The following CPEB3 variants were observed in gnomAD, a reference collection of about 807,000 sequenced individuals.
The protein encoded by CPEB3 is cytoplasmic polyadenylation element binding protein 3, also known as cytoplasmic polyadenylation element-binding protein 3.
In CPEB3, 20 loss-of-function variants were observed where a neutral mutation model predicts 67.2. The observed-to-expected ratio is 0.30, with a 90% confidence interval of 0.21 to 0.43. The LOEUF is 0.43. CPEB3 is among the 20% of genes least tolerant of loss of function. CPEB3 has a pLI of 1.00. For missense variants in CPEB3, 746 were observed against 968.6 expected (o/e 0.77, Z 3.05); for synonymous variants, 376 against 393.1 (o/e 0.96, Z 0.51).
intron 6 of CPEB3, among the ~76,000 whole-genome samples, chr10:92,129,130 T>C (rs1003830031): frequency 2.6e-5 from 4 of 152,184 alleles, no homozygotes; most frequent in African/African-American, 9.7e-5. Flanking sequence ...GAAAACGTGG[T>C]ACATATATAC....
At chr10:92,193,791 T>C (rs1849097641) in intron 2 of CPEB3, among the ~76,000 whole-genome samples, 1 of 151,886 alleles carries the variant, frequency 6.6e-6, no homozygotes, top group Admixed American at 6.6e-5. Context: ...TCTTTAACAT[T>C]TCTTTTTTTT....
chr10:92,268,042 T>C (rs1478837776), intron 1 of CPEB3, among the ~76,000 whole-genome samples: 1 of 152,150 alleles, frequency 6.6e-6, no homozygotes, highest in Non-Finnish European at 1.5e-5. Context: ...GGTCTCGATC[T>C]CTTGACCTCG....
At chr10:92,067,819 G>GA (rs2134366981) in intron 9 of CPEB3, among the ~76,000 whole-genome samples, 3 of 152,060 alleles carry the variant, frequency 2.0e-5, no homozygotes, top group African/African-American at 7.2e-5. Flanking sequence ...ACTCCATCTC[G>GA]AAAAAATAAA....
At chr10:92,233,027 T>C (rs1851348295) in intron 2 of CPEB3, among the ~76,000 whole-genome samples, 1 of 152,186 alleles carries the variant, frequency 6.6e-6, no homozygotes, top group Non-Finnish European at 1.5e-5. Flanking sequence ...ATAGATAATG[T>C]GGTTTTGCTG....
chr10:92,149,036 G>A (rs964875031), intron 4 of CPEB3, among the ~76,000 whole-genome samples: 34 of 152,044 alleles, frequency 2.2e-4, no homozygotes, highest in African/African-American at 7.5e-4. Context: ...CAGTAGCTGG[G>A]ATTATAGGCA....
intron 2 of CPEB3, among the ~76,000 whole-genome samples, chr10:92,229,659 ATATATTT>A (rs1422707711): frequency 1.1e-4 from 17 of 152,238 alleles, no homozygotes; most frequent in African/African-American, 4.1e-4. Context: ...TCTGGGAAAC[ATATATTT>A]TATATTTTTA....
At chr10:92,138,236 G>A (rs552324172) in intron 6 of CPEB3, 21 of 222,722 alleles carry the variant, frequency 9.4e-5, no homozygotes, top group Admixed American at 7.0e-4. Flanking sequence ...AGAATTGGTC[G>A]AGGTGGATGG....
chr10:92,111,164 C>G lies in CPEB3; in HGVS notation c.1484G>C (p.Ser495Thr), dbSNP rs762788690. The stretch of plus-strand genomic sequence containing the variant: ...GGCATCTATCAAAGCTTGTACTGAG[C>G]TTTCCTCTTGGAACAGCAGAAAGGC... ...GYAFLLFQEESSVQALIDACL... is the reference protein window; with the variant it reads ...GYAFLLFQEETSVQALIDACL... Residue 495 changes from serine to threonine, a missense_variant, in exon 7 of 10, where the codon AGC (serine) becomes ACC (threonine). Physicochemically the swap from Ser to Thr is moderately conservative, Grantham distance 58 (BLOSUM62 1). Around this residue, in one of 2 missense-constraint regions of CPEB3, gnomAD observed 643 missense variants for 717.5 expected, o/e 0.90. Coordinates refer to ENST00000265997, the MANE Select transcript of CPEB3 (RefSeq NM_014912.5). 1 of 1,614,076 alleles carries G rather than the reference C, an allele frequency of 6.2e-7. No homozygotes were observed. Among genetic ancestry groups the G allele is most frequent in the Non-Finnish European group, 8.5e-7 (1 of 1,179,932 alleles).
chr10:92,135,544 T>C (rs1300846560), intron 6 of CPEB3, among the ~76,000 whole-genome samples: 4 of 152,158 alleles, frequency 2.6e-5, no homozygotes, highest in African/African-American at 9.6e-5. Flanking sequence ...GAAATAGGAA[T>C]GCTTTTATAC....
chr10:92,154,621 C>A (rs1847118519), intron 4 of CPEB3, among the ~76,000 whole-genome samples: 2 of 152,200 alleles, frequency 1.3e-5, no homozygotes, highest in Non-Finnish European at 2.9e-5. Flanking sequence ...CAGCATAGAT[C>A]GTCCTACTAC....
intron 6 of CPEB3, among the ~76,000 whole-genome samples, chr10:92,128,772 T>C (rs1003756472): frequency 1.3e-5 from 2 of 151,994 alleles, no homozygotes; most frequent in African/African-American, 4.8e-5. Context: ...ATTAGAGAAA[T>C]GCAAATCAAA....
chr10:92,075,425 C>A (rs189263298), intron 9 of CPEB3, among the ~76,000 whole-genome samples: 1 of 152,028 alleles, frequency 6.6e-6, no homozygotes, highest in Non-Finnish European at 1.5e-5. Flanking sequence ...ACATGAAATA[C>A]GGGATGATTA....
intron 7 of CPEB3, among the ~76,000 whole-genome samples, chr10:92,104,233 T>C (rs149914642): frequency 5.3e-4 from 81 of 152,308 alleles, no homozygotes; most frequent in African/African-American, 1.9e-3. Flanking sequence ...GAGGAAACCT[T>C]TTGTCGAAGA....
At chr10:92,216,043 C>A (rs531811657) in intron 2 of CPEB3, among the ~76,000 whole-genome samples, 30 of 65,662 alleles carry the variant, frequency 4.6e-4, no homozygotes, top group African/African-American at 1.7e-3. Flanking sequence ...CCACCGCGCC[C>A]AGCTCATTTT....
chr10:92,284,371 C>A (rs1003346937), intron 1 of CPEB3, among the ~76,000 whole-genome samples: 3 of 152,092 alleles, frequency 2.0e-5, no homozygotes, highest in African/African-American at 7.2e-5. Context: ...TAAACCCTCC[C>A]ACAAGCAGCT....
intron 2 of CPEB3, among the ~76,000 whole-genome samples, chr10:92,238,527 A>T (rs182430645): frequency 3.9e-5 from 6 of 152,136 alleles, no homozygotes; most frequent in African/African-American, 1.4e-4. Context: ...AACCCAACTG[A>T]TGAAGGACAC....
chr10:92,170,354 TTCC>T (rs1847944123), intron 4 of CPEB3, among the ~76,000 whole-genome samples: 1 of 152,188 alleles, frequency 6.6e-6, no homozygotes, highest in Non-Finnish European at 1.5e-5. Flanking sequence ...ATTTCCTAAA[TTCC>T]TCATCAAAAC....
At chr10:92,228,718 A>AC (rs1564887558) in intron 2 of CPEB3, among the ~76,000 whole-genome samples, 2 of 144,216 alleles carry the variant, frequency 1.4e-5, no homozygotes, top group African/African-American at 5.1e-5. Flanking sequence ...ATATATATAC[A>AC]TTTTTTTTTT....
chr10:92,066,816 G>T (rs1842565962), intron 9 of CPEB3, among the ~76,000 whole-genome samples: 1 of 152,056 alleles, frequency 6.6e-6, no homozygotes, highest in Admixed American at 6.6e-5. Context: ...AGGCCGAAGC[G>T]GGCGGATCAC....
Sources: allele counts gnomAD v4.1 joint callset (sites outside exome capture counted in the v4.1 genomes callset), GRCh38; gene constraint gnomAD v4.1.1; regional missense constraint gnomAD v4.1.1; transcripts MANE v1.5; gene names NCBI Gene and HGNC (gene_info 2026-07-23, HGNC 2026-07-21).